Variants in STK10 observed in about 807,000 individuals in gnomAD.
The protein encoded by STK10 is serine/threonine kinase 10, also known as serine/threonine-protein kinase 10.
A neutral mutation model predicts 113.8 loss-of-function variants in STK10; 78 were observed. That is an observed-to-expected ratio of 0.69 (90% CI 0.57 to 0.83). The LOEUF is 0.83. STK10 is among the 40% of genes least tolerant of loss of function. STK10 has a pLI of 0.00. For synonymous variants in STK10, 465 were observed against 494.7 expected, an observed-to-expected ratio of 0.94 and a Z score of 0.80; for missense variants, 1,109 against 1,280.1, an observed-to-expected ratio of 0.87 and a Z score of 2.04.
At chr5:172,171,735 A>G (rs1770668356) in intron 1 of STK10, among the ~76,000 whole-genome samples, 2 of 151,182 alleles carry the variant, frequency 1.3e-5, no homozygotes, top group Non-Finnish European at 3.0e-5. Context: ...TAAAATGAAT[A>G]GAATAGAATA....
intron 2 of STK10, among the ~76,000 whole-genome samples, chr5:172,139,838 G>C (rs1769937073): frequency 6.8e-6 from 1 of 147,464 alleles, no homozygotes; most frequent in Non-Finnish European, 1.5e-5. Context: ...AAATCATAGG[G>C]GAAAAGCTTC....
In STK10 at chr5:172,083,178, G is replaced by A. The variant is rs1408110751; in HGVS notation, c.1686-94C>T. The A allele has an allele frequency of 7.1e-6, 11 of 1,552,972 alleles. 1 individual carries two copies. In the Admixed American group the frequency reaches 1.7e-4, roughly 23 times the overall value. ...TTGGAACACTGAAGGTTGGATCATGGAGCAAAATCACACAAGTCTGGGGCA... is the reference window on the plus strand; with the variant it reads ...TTGGAACACTGAAGGTTGGATCATGAAGCAAAATCACACAAGTCTGGGGCA... On this transcript the variant is annotated intron_variant, in intron 10 of 18. Transcript: ENST00000176763.
chr5:172,137,920 A>G (rs996366175), intron 2 of STK10, among the ~76,000 whole-genome samples: 2 of 150,584 alleles, frequency 1.3e-5, no homozygotes, highest in Non-Finnish European at 3.0e-5. Context: ...GCCATATATT[A>G]AAGGCCATAT....
intron 6 of STK10, among the ~76,000 whole-genome samples, chr5:172,106,177 G>A (rs1489626940): frequency 6.6e-5 from 10 of 151,872 alleles, no homozygotes; most frequent in African/African-American, 7.3e-5. Flanking sequence ...TTGGGAGGCC[G>A]AGGCAGACGG....
intron 4 of STK10, among the ~76,000 whole-genome samples, chr5:172,113,213 C>G (rs2113772784): frequency 6.6e-6 from 1 of 152,214 alleles, no homozygotes; most frequent in Admixed American, 6.5e-5. Context: ...GAATTGCACA[C>G]TGCACTGGGG....
chr5:172,184,813 C>T (rs920859434), intron 1 of STK10, among the ~76,000 whole-genome samples: 71 of 152,096 alleles, frequency 4.7e-4, no homozygotes, highest in African/African-American at 1.7e-3. Context: ...CCACCACACC[C>T]GGCTAATTTT....
At chr5:172,080,135 G>A (rs899277573) in intron 12 of STK10, among the ~76,000 whole-genome samples, 1 of 152,050 alleles carries the variant, frequency 6.6e-6, no homozygotes, top group Non-Finnish European at 1.5e-5. Flanking sequence ...TCTGTGATGA[G>A]TGAGCTCTGA....
At chr5:172,055,798 G>T (rs772966835) in intron 15 of STK10, 22 bp from the exon 16 acceptor site, 3 of 1,442,586 alleles carry the variant, frequency 2.1e-6, no homozygotes, top group Middle Eastern at 2.1e-4. Flanking sequence ...TATCCAGAGG[G>T]GCTGAGGGCA....
intron 7 of STK10, among the ~76,000 whole-genome samples, chr5:172,104,291 G>A (rs1561808967): frequency 6.6e-6 from 1 of 152,170 alleles, no homozygotes; most frequent in Non-Finnish European, 1.5e-5. Flanking sequence ...GACACTGGTC[G>A]GCAGATTTGC....
intron 4 of STK10, among the ~76,000 whole-genome samples, chr5:172,110,713 C>G (rs892108553): frequency 4.6e-5 from 7 of 152,148 alleles, no homozygotes; most frequent in African/African-American, 7.2e-5. Context: ...AGTTACAAAG[C>G]CTCTGAGCCT....
chr5:172,056,594 A>T (rs73314277), intron 15 of STK10, among the ~76,000 whole-genome samples: 2 of 152,088 alleles, frequency 1.3e-5, no homozygotes, highest in South Asian at 2.1e-4. Context: ...CCGGGCAGGC[A>T]CAGTGGCTCA....
At chr5:172,122,670 C>A (rs1769537889) in intron 3 of STK10, among the ~76,000 whole-genome samples, 1 of 152,206 alleles carries the variant, frequency 6.6e-6, no homozygotes, top group Non-Finnish European at 1.5e-5. Context: ...GTCGCCCAGG[C>A]TGGAGTGCAG....
At chr5:172,131,379 C>T (rs1457188963) in intron 2 of STK10, among the ~76,000 whole-genome samples, 4 of 152,160 alleles carry the variant, frequency 2.6e-5, no homozygotes, top group Admixed American at 6.6e-5. Flanking sequence ...TGACCAAACC[C>T]AGGCAGTTCC....
chr5:172,146,643 C>A (rs1294085161), intron 2 of STK10, among the ~76,000 whole-genome samples: 2 of 152,240 alleles, frequency 1.3e-5, no homozygotes, highest in Non-Finnish European at 2.9e-5. Flanking sequence ...GCCTGGCGCA[C>A]AGAGCCTGCG....
At chr5:172,154,570 C>T (rs933937602) in intron 2 of STK10, among the ~76,000 whole-genome samples, 3 of 152,146 alleles carry the variant, frequency 2.0e-5, no homozygotes, top group African/African-American at 7.2e-5. Context: ...TACAAAGTAA[C>T]AAATGTAGGC....
Position 172,082,462 on chromosome 5 carries a change from C to T in STK10, c.1853G>A (p.Arg618His), listed in dbSNP as rs374049452. 42 of 1,608,608 alleles carry T rather than the reference C, an allele frequency of 2.6e-5. No homozygotes were observed. The highest frequency in any genetic ancestry group is 2.4e-4 in the African/African-American group (18 of 74,564). Residue 618 changes from arginine (R) to histidine (H), a missense_variant, in exon 12 of 19, where the codon CGT (arginine) becomes CAT (histidine). Arg to His is a conservative substitution (Grantham distance 29). This residue lies in a region of STK10 where 885 missense variants were observed against 991.1 expected (regional missense o/e 0.89). Transcript: ENST00000176763. The surrounding 1 kb of genome is among the most constrained non-coding windows in gnomAD (Gnocchi z 4.3). ...CTTCTCCACTTGCTGCTTTTGCTGACGCTCCAGGTTCTCTAATTCCGTGTC... is the reference window on the plus strand; with the variant it reads ...CTTCTCCACTTGCTGCTTTTGCTGATGCTCCAGGTTCTCTAATTCCGTGTC... ...FFDTELENLE[R>H]QQKQQVEKME...
chr5:172,159,798 A>G (rs538783573), intron 1 of STK10, among the ~76,000 whole-genome samples: 129 of 151,818 alleles, frequency 8.5e-4, no homozygotes, highest in Admixed American at 2.3e-3. Context: ...ATCCCAGACT[A>G]GAAAACAAAG....
intron 1 of STK10, among the ~76,000 whole-genome samples, chr5:172,184,585 G>A (rs1019447160): frequency 1.3e-5 from 2 of 152,088 alleles, no homozygotes; most frequent in South Asian, 2.1e-4. Context: ...TGGTGGATTC[G>A]GAGGTAGGCG....
intron 3 of STK10, among the ~76,000 whole-genome samples, chr5:172,126,022 CA>C (rs1581168628): frequency 6.6e-6 from 1 of 152,318 alleles, no homozygotes; most frequent in South Asian, 2.1e-4. Context: ...GAGGTAAACT[CA>C]GGGAAAATAC....
Sources: allele counts gnomAD v4.1 joint callset (sites outside exome capture counted in the v4.1 genomes callset), GRCh38; gene constraint gnomAD v4.1.1; regional missense constraint gnomAD v4.1.1; non-coding constraint Gnocchi (gnomAD v3.1); transcripts MANE v1.5; gene names NCBI Gene and HGNC (gene_info 2026-07-23, HGNC 2026-07-21).